The following SDK1 variants were observed in gnomAD, a reference collection of about 807,000 sequenced individuals.
The protein encoded by SDK1 is sidekick cell adhesion molecule 1, also known as protein sidekick-1.
A neutral mutation model predicts 245.5 loss-of-function variants in SDK1; 157 were observed. The ratio of observed to expected loss-of-function variants is 0.64; its 90% confidence interval spans 0.56 to 0.73. The LOEUF is 0.73. Among genes scored for constraint, SDK1 ranks in the 30% least tolerant of loss-of-function variants. The pLI is 0.00. For missense variants in SDK1, 3,583 were observed against 3,002.3 expected (o/e 1.19, Z -4.52); for synonymous variants, 1,647 against 1,278.5 (o/e 1.29, Z -6.15).
rs557020112 is a variant in SDK1 at position 3,890,840 on chromosome 7, G to A, written c.848-60083G>A. On this transcript the variant is annotated intron_variant, in intron 5 of 44. Transcript: ENST00000404826. ...GCCTGTAGTCCCACTTACTTGGGAG[G>A]TTGAGGCAGGAGAATCGCTTGAACC... 4.5e-4 allele frequency among the ~76,000 whole-genome samples: 68 copies of A among 152,296 alleles called. 1 individual carries two copies. Among genetic ancestry groups the A allele is most frequent in the African/African-American group, 1.6e-3 (66 of 41,562 alleles).
intron 1 of SDK1, among the ~76,000 whole-genome samples, chr7:3,386,965 G>C (rs975102446): frequency 6.6e-6 from 1 of 152,190 alleles, no homozygotes; most frequent in Non-Finnish European, 1.5e-5. Context: ...CATGAATTCA[G>C]GCATTCTAAC....
rs541203312 is a variant in SDK1 at position 3,548,961 on chromosome 7, G to T, written c.299-70119G>T. 1.2e-3 allele frequency among the ~76,000 whole-genome samples: 179 copies of T among 152,314 alleles called. 3 individuals are homozygous for T. The highest frequency in any genetic ancestry group is 4.2e-3 in the African/African-American group (174 of 41,564). On this transcript the variant is annotated intron_variant, in intron 1 of 44. Transcript: ENST00000404826. The stretch of plus-strand genomic sequence containing the variant: ...CCAGCCATATAGAACAACAACAGTA[G>T]GGTTTTACTCTCCCTACTATCAATA...
chr7:3,673,773 G>A (rs1178532448), intron 4 of SDK1, among the ~76,000 whole-genome samples: 1 of 152,106 alleles, frequency 6.6e-6, no homozygotes, highest in Non-Finnish European at 1.5e-5. Flanking sequence ...TATGTGGCAG[G>A]CAAAAGTTTG....
At chr7:3,959,223 A>G (rs1781489240) in intron 8 of SDK1, among the ~76,000 whole-genome samples, 2 of 152,090 alleles carry the variant, frequency 1.3e-5, no homozygotes, top group South Asian at 4.2e-4. Context: ...CGAAACAGAG[A>G]TGATACTATT....
At chr7:3,545,372 T>C (rs922928504) in intron 1 of SDK1, among the ~76,000 whole-genome samples, 5 of 152,154 alleles carry the variant, frequency 3.3e-5, no homozygotes, top group Non-Finnish European at 7.4e-5. Context: ...CAAGATGATA[T>C]TGAAAATGTT....
intron 22 of SDK1, among the ~76,000 whole-genome samples, chr7:4,092,524 A>C (rs893416195): frequency 2.6e-5 from 4 of 152,190 alleles, no homozygotes; most frequent in African/African-American, 9.6e-5. Context: ...AATGGGATGC[A>C]AGACAAACCC....
chr7:3,867,431 C>T (rs551441383), intron 5 of SDK1, among the ~76,000 whole-genome samples: 5 of 152,214 alleles, frequency 3.3e-5, no homozygotes, highest in Admixed American at 6.5e-5. Flanking sequence ...AAGACATACC[C>T]GAGACTGGGA....
chr7:3,577,111 G>A (rs1019860311), intron 1 of SDK1, among the ~76,000 whole-genome samples: 1 of 151,906 alleles, frequency 6.6e-6, no homozygotes, highest in African/African-American at 2.4e-5. Flanking sequence ...CATACTGGAA[G>A]ATTTCGCCTG....
At chr7:3,463,052 T>C (rs1180969693) in intron 1 of SDK1, among the ~76,000 whole-genome samples, 1 of 152,192 alleles carries the variant, frequency 6.6e-6, no homozygotes, top group African/African-American at 2.4e-5. Context: ...TCCCTCCTGC[T>C]ATGGGGCTTT....
chr7:3,721,854 C>T (rs949381711), intron 4 of SDK1, among the ~76,000 whole-genome samples: 9 of 152,172 alleles, frequency 5.9e-5, no homozygotes, highest in African/African-American at 1.9e-4. Flanking sequence ...CATGAACTGT[C>T]GGCCATCCTT....
At chr7:4,213,530 A>G (rs1784616128) in intron 38 of SDK1, among the ~76,000 whole-genome samples, 1 of 151,682 alleles carries the variant, frequency 6.6e-6, no homozygotes, top group African/African-American at 2.4e-5. Flanking sequence ...GGCTGCAGTG[A>G]GCTGAGATCG....
intron 28 of SDK1, among the ~76,000 whole-genome samples, chr7:4,140,574 G>GT (rs1052653731): frequency 1.3e-5 from 2 of 151,998 alleles, no homozygotes; most frequent in African/African-American, 4.8e-5. Context: ...ACTGCAGCAG[G>GT]GGGGAGCTGA....
At chr7:3,313,588 G>C (rs1292787221) in intron 1 of SDK1, among the ~76,000 whole-genome samples, 1 of 152,152 alleles carries the variant, frequency 6.6e-6, no homozygotes, top group East Asian at 1.9e-4. Context: ...TAATTGCTTT[G>C]CAGTTTGAGA....
intron 5 of SDK1, among the ~76,000 whole-genome samples, chr7:3,902,260 T>A (rs1205629312): frequency 1.3e-5 from 2 of 152,210 alleles, no homozygotes; most frequent in African/African-American, 4.8e-5. Flanking sequence ...TTCCAGTTCA[T>A]CATCACAGGG....
intron 32 of SDK1, among the ~76,000 whole-genome samples, chr7:4,167,159 T>C (rs942038246): frequency 2.0e-5 from 3 of 152,212 alleles, no homozygotes; most frequent in Non-Finnish European, 2.9e-5. Context: ...TTTGGTAGGC[T>C]GAGGCGGGCA....
chr7:3,315,733 A>T (rs1779649429), intron 1 of SDK1, among the ~76,000 whole-genome samples: 1 of 152,200 alleles, frequency 6.6e-6, no homozygotes, highest in Non-Finnish European at 1.5e-5. Flanking sequence ...AGAATTATTT[A>T]CCATAATGTA....
intron 4 of SDK1, among the ~76,000 whole-genome samples, chr7:3,710,989 A>G (rs1785033681): frequency 6.6e-6 from 1 of 152,194 alleles, no homozygotes; most frequent in South Asian, 2.1e-4. Flanking sequence ...TCAGTTTCAA[A>G]CTTTACAATT....
chr7:3,696,175 ACTTAAATCTTATTGCCACTCT>A (rs1277651051), intron 4 of SDK1, among the ~76,000 whole-genome samples: 3 of 152,070 alleles, frequency 2.0e-5, no homozygotes, highest in Non-Finnish European at 4.4e-5. Flanking sequence ...TGTCCTGCCA[ACTTAAATCTTATTGCCACTCT>A]CTCCACTGTG....
chr7:4,006,123 C>T (rs1785470103), intron 14 of SDK1, among the ~76,000 whole-genome samples: 1 of 152,208 alleles, frequency 6.6e-6, no homozygotes, highest in Non-Finnish European at 1.5e-5. Flanking sequence ...CTTCAGACAC[C>T]TTTAATTGAG....
Sources: gnomAD v4.1 joint callset for allele counts (sites outside exome capture counted in the v4.1 genomes callset) on GRCh38, gnomAD v4.1.1 for gene constraint, MANE v1.5 for transcripts, NCBI Gene and HGNC (gene_info 2026-07-23, HGNC 2026-07-21) for gene names.